Variants in NUCB1 observed in about 807,000 individuals in gnomAD.
NUCB1 encodes the protein nucleobindin 1.
NUCB1 carries 47 observed loss-of-function variants against 61.2 expected under a neutral mutation model. That is an observed-to-expected ratio of 0.77 (90% CI 0.61 to 0.98). NUCB1 has a LOEUF of 0.98. Ranked by LOEUF, NUCB1 falls within the 50% of genes least tolerant of loss-of-function variation. The pLI is 0.00. For synonymous variants in NUCB1, 234 were observed against 243.1 expected, an observed-to-expected ratio of 0.96 and a Z score of 0.35; for missense variants, 583 against 605.3, an observed-to-expected ratio of 0.96 and a Z score of 0.39.
intron 4 of NUCB1, 168 bp from the exon 5 acceptor site, chr19:48,910,981 C>CA: frequency 1.7e-6 from 1 of 578,124 alleles, no homozygotes; most frequent in Admixed American, 3.0e-5. Flanking sequence ...GCATCAGACT[C>CA]AGTCGTGGGA....
At chr19:48,900,983 C>G (rs1319897336) in intron 2 of NUCB1, 52 bp downstream of exon 2, 1 of 1,606,646 alleles carries the variant, frequency 6.2e-7, no homozygotes, top group East Asian at 2.2e-5. Context: ...GGTACTACAG[C>G]TCCTGCAGAC....
rs558183189 is a variant in NUCB1 at position 48,911,626 on chromosome 19, G to A, written c.480+374G>A. ...TCACCATGTTGGCCAGGCTGGTCTCGAACTCCTGACCTCAGGTGATCCACC... is the reference window on the plus strand; with the variant it reads ...TCACCATGTTGGCCAGGCTGGTCTCAAACTCCTGACCTCAGGTGATCCACC... On this transcript the variant is annotated intron_variant, in intron 5 of 12. Transcript: ENST00000405315. 1.2e-4 allele frequency among the ~76,000 whole-genome samples: 18 copies of A among 151,750 alleles called. No homozygotes were observed. The East Asian group carries it at 3.3e-3, about 28-fold the overall frequency.
intron 2 of NUCB1, among the ~76,000 whole-genome samples, chr19:48,902,874 G>A (rs1022635437): frequency 1.3e-5 from 2 of 151,844 alleles, no homozygotes; most frequent in South Asian, 4.2e-4. Flanking sequence ...GTGAGAGGGA[G>A]GGGAGAGGGG....
intron 4 of NUCB1, among the ~76,000 whole-genome samples, chr19:48,908,962 T>C (rs1320766762): frequency 1.3e-5 from 2 of 152,016 alleles, no homozygotes; most frequent in African/African-American, 4.8e-5. Context: ...AACTCCCATA[T>C]GAGGGAGGCT....
At position 48,913,499 on chromosome 19, in the gene NUCB1, T is replaced by G; in HGVS notation, c.692T>G (p.Val231Gly). ...VPGSQAQLKE[V>G]WEELDGLDPN... ...GGCAGCCAAGCCCAGTTGAAGGAGG[T>G]GTGGGAGGAGCTGGATGGACTGGAC... Residue 231 changes from valine to glycine, a missense_variant, in exon 7 of 13, where the codon GTG becomes GGG. Transcript: ENST00000405315. The G allele has an allele frequency of 6.2e-7, 1 of 1,613,908 alleles. No homozygotes were observed. Among genetic ancestry groups the G allele is most frequent in the Non-Finnish European group, 8.5e-7 (1 of 1,179,950 alleles).
At chr19:48,915,002 C>T (rs759691292) in intron 7 of NUCB1, among the ~76,000 whole-genome samples, 13 of 152,000 alleles carry the variant, frequency 8.6e-5, no homozygotes, top group Non-Finnish European at 1.8e-4. Flanking sequence ...ATCACTTGAA[C>T]CCGGGAGGCA....
chr19:48,902,565 C>T (rs1480419528), intron 2 of NUCB1, among the ~76,000 whole-genome samples: 3 of 151,736 alleles, frequency 2.0e-5, no homozygotes, highest in Non-Finnish European at 4.4e-5. Flanking sequence ...TGCCACCATG[C>T]CTAGCTAATT....
intron 8 of NUCB1, 66 bp downstream of exon 8, chr19:48,918,850 A>C: frequency 6.8e-7 from 1 of 1,473,078 alleles, no homozygotes; most frequent in Non-Finnish European, 9.5e-7. Context: ...TTCCTCCTGC[A>C]GTCCCCTTAA....
intron 11 of NUCB1, 119 bp from the exon 12 acceptor site, chr19:48,921,708 G>T (rs961818428): frequency 1.1e-6 from 1 of 878,078 alleles, no homozygotes; most frequent in Non-Finnish European, 1.9e-6. Context: ...CCACGGAGAA[G>T]GGGTTGGCCG....
intron 4 of NUCB1, among the ~76,000 whole-genome samples, chr19:48,907,899 G>A (rs954986142): frequency 6.6e-6 from 1 of 152,128 alleles, no homozygotes; most frequent in African/African-American, 2.4e-5. Flanking sequence ...TGCAGCCTTG[G>A]GACCTTTGTC....
Position 48,921,070 on chromosome 19 carries a change from C to G in NUCB1, c.1003-84C>G, listed in dbSNP as rs775988524. On this transcript the variant is annotated intron_variant, in intron 10 of 12. Transcript: ENST00000405315. ...CCTGGCCTCCCAGCCTCCTCTACAC[C>G]TCCCCCATTGGCACAACCCTCTCCA... The G allele has an allele frequency of 2.5e-5, 36 of 1,450,072 alleles. No individual in the cohort carries two copies. In the Admixed American group the frequency reaches 7.1e-4, roughly 29 times the overall value. 89.8% of individuals were successfully genotyped at this position (1,450,072 alleles called of 1,614,324 possible). A position where few individuals can be genotyped will look rare whatever the true frequency, so the allele number is the denominator to read the frequency against.
In NUCB1 at chr19:48,900,806, TC is replaced by T; in HGVS notation, c.11del (p.Ser4LeufsTer82). MPP[S>X]GPRGTLLLLP... is the part of the protein sequence containing the mutation. ...CACAGACCACACTGCCATGCCTCCC[TC>T]TGGGCCCCGAGGAACCCTCCTTCTG... On this transcript the variant is annotated frameshift_variant, in exon 2 of 13. Coordinates refer to ENST00000405315, the MANE Select transcript of NUCB1 (RefSeq NM_006184.6). LOFTEE classifies it high-confidence loss of function. 6.2e-7 allele frequency: 1 copy of T among 1,613,912 alleles called. No homozygotes were observed. The highest frequency in any genetic ancestry group is 8.5e-7 in the Non-Finnish European group (1 of 1,180,006).
At chr19:48,910,840 A>G in intron 4 of NUCB1, 1 of 224,934 alleles carries the variant, frequency 4.4e-6, no homozygotes, top group East Asian at 1.2e-4. Flanking sequence ...AAATGGGGAT[A>G]ATCATAAAAC....
intron 10 of NUCB1, 42 bp from the exon 11 acceptor site, chr19:48,921,112 G>A (rs780974671): frequency 6.4e-7 from 1 of 1,565,142 alleles, no homozygotes; most frequent in Non-Finnish European, 8.7e-7. Context: ...GTGGGCCGAG[G>A]TTGGACCTGT....
At chr19:48,914,687 C>A (rs1228051633) in intron 7 of NUCB1, among the ~76,000 whole-genome samples, 3 of 151,972 alleles carry the variant, frequency 2.0e-5, no homozygotes, top group Non-Finnish European at 4.4e-5. Context: ...TGGCTCATGT[C>A]TGTAATCCCA....
Position 48,922,437 on chromosome 19 carries a change from C to G in NUCB1, c.*13C>G, listed in dbSNP as rs777518221. The stretch of plus-strand genomic sequence containing the variant: ...CCAGCATCTGTGATCCTCCGGGACC[C>G]CAGCCCTCAGGATTCCTGATGCTCC... On this transcript the variant is annotated 3_prime_UTR_variant, in exon 13 of 13. Transcript: ENST00000405315. 2 of 1,604,118 alleles carry G rather than the reference C, an allele frequency of 1.2e-6. No homozygotes were observed. The highest frequency in any genetic ancestry group is 1.7e-6 in the Non-Finnish European group (2 of 1,171,176).
At position 48,900,834 on chromosome 19, in the gene NUCB1, T is replaced by TGCC. The variant is rs770314184; in HGVS notation, c.41_43dup (p.Pro14dup). 1 of 1,613,584 alleles carries TGCC rather than the reference T, an allele frequency of 6.2e-7. No individual in the cohort carries two copies. The highest frequency in any genetic ancestry group is 1.1e-5 in the South Asian group (1 of 91,076). On this transcript the variant is annotated inframe_insertion, in exon 2 of 13. Transcript: ENST00000405315. Reference sequence around the variant, plus strand: ...GGGCCCCGAGGAACCCTCCTTCTGTTGCCGCTGCTGCTGCTGCTCCTGCTT... The same window carrying TGCC: ...GGGCCCCGAGGAACCCTCCTTCTGTTGCCGCCGCTGCTGCTGCTGCTCCTGCTT...
chr19:48,914,382 C>T (rs1431715225), intron 7 of NUCB1, among the ~76,000 whole-genome samples: 1 of 152,092 alleles, frequency 6.6e-6, no homozygotes, highest in African/African-American at 2.4e-5. Flanking sequence ...GTATGCCAAG[C>T]ACCCTGTCCC....
chr19:48,902,420 CT>C (rs58758940), intron 2 of NUCB1, among the ~76,000 whole-genome samples: 28,812 of 129,628 alleles, frequency 0.22, 4,089 homozygotes, highest in African/African-American at 0.47. Context: ...TTTCCTTTTT[CT>C]TTTTTTTTTT....
Sources: allele counts gnomAD v4.1 joint callset (sites outside exome capture counted in the v4.1 genomes callset), GRCh38; gene constraint gnomAD v4.1.1; transcripts MANE v1.5; gene names NCBI Gene and HGNC (gene_info 2026-07-23, HGNC 2026-07-21).